IL13RA2: variants seen among roughly 807,000 people sequenced by gnomAD.
The protein encoded by IL13RA2 is interleukin-13 receptor subunit alpha-2.
A neutral mutation model predicts 34.1 loss-of-function variants in IL13RA2; 25 were observed. The observed-to-expected ratio is 0.73, with a 90% confidence interval of 0.53 to 1.03. The LOEUF (loss-of-function observed/expected upper bound fraction) is 1.03, where lower values mean the gene tolerates loss of function less well. IL13RA2 is among the 50% of genes least tolerant of loss of function. The pLI, the probability that IL13RA2 is intolerant of heterozygous loss-of-function variation, is 0.00. For missense variants in IL13RA2, 297 were observed against 280.9 expected (o/e 1.06, Z -0.41); for synonymous variants, 106 against 100.4 (o/e 1.06, Z -0.33).
chrX:115,011,856 T>C (rs782707870), intron 5 of IL13RA2, among the ~76,000 whole-genome samples: 1 of 112,294 alleles, frequency 8.9e-6, no homozygotes, highest in South Asian at 3.7e-4. Context: ...TTATATCAAA[T>C]ATGAACCACA....
At chrX:115,012,452 C>A (rs2071709225) in intron 5 of IL13RA2, among the ~76,000 whole-genome samples, 1 of 108,908 alleles carries the variant, frequency 9.2e-6, no homozygotes, top group Admixed American at 9.6e-5. Context: ...GGACAATAAA[C>A]AATTACAGGC....
At position 115,016,684 on chromosome X, in the gene IL13RA2, A is replaced by C. The variant is rs782577434; in HGVS notation, c.94+492T>G. Among the ~76,000 whole-genome samples, 7 of 106,871 alleles carry C rather than the reference A, an allele frequency of 6.5e-5. No homozygotes were observed. The East Asian group carries it at 1.7e-3, about 26-fold the overall frequency. The allele number at this position is 106,871 out of a possible 115,157, so 92.8% of individuals were successfully genotyped here. On this transcript the variant is annotated intron_variant, in intron 2 of 9. Coordinates refer to ENST00000243213, the MANE Select transcript of IL13RA2 (RefSeq NM_000640.3). The stretch of plus-strand genomic sequence containing the variant: ...ATAATAATATACTATAAATAATTTT[A>C]ATTAATTAATAATAAAACATTAACA...
At chrX:115,009,748 G>A (rs782417432) in intron 6 of IL13RA2, 82 bp from the exon 7 acceptor site, 2 of 858,613 alleles carry the variant, frequency 2.3e-6, no homozygotes, top group African/African-American at 4.0e-5. Flanking sequence ...GGGACATCTG[G>A]TAACAGAAAC....
chrX:115,006,544 G>A (rs782274202), intron 8 of IL13RA2, among the ~76,000 whole-genome samples: 7 of 110,769 alleles, frequency 6.3e-5, no homozygotes, highest in Non-Finnish European at 1.1e-4. Context: ...TTAGCCAGGC[G>A]TGGTGGTGCA....
intron 7 of IL13RA2, 151 bp downstream of exon 7, chrX:115,009,370 C>T: frequency 7.1e-6 from 3 of 425,227 alleles, no homozygotes; most frequent in African/African-American, 2.4e-5. Context: ...ATACTTTTGT[C>T]CATTAGCTTA....
chrX:115,016,928 G>A (rs1333914088), intron 2 of IL13RA2, among the ~76,000 whole-genome samples: 2 of 110,153 alleles, frequency 1.8e-5, no homozygotes, highest in Non-Finnish European at 3.8e-5. Flanking sequence ...AAAAGGTATG[G>A]AGAGTGTTTT....
At chrX:115,015,275 G>T (rs895834188) in intron 3 of IL13RA2, among the ~76,000 whole-genome samples, 1 of 111,267 alleles carries the variant, frequency 9.0e-6, no homozygotes, top group Admixed American at 9.6e-5. Context: ...ACCCTCTGTG[G>T]GAAGGGTACA....
In IL13RA2 at chrX:115,017,167, T is replaced by A; in HGVS notation, c.94+9A>T. The A allele has an allele frequency of 1.4e-6, 1 of 715,608 alleles. No individual in the cohort carries two copies. The highest frequency in any genetic ancestry group is 2.2e-6 in the Non-Finnish European group (1 of 451,067). The allele number at this position is 715,608 out of a possible 1,213,427, so 59.0% of individuals were successfully genotyped here. On this transcript the variant is annotated intron_variant, in intron 2 of 9. Coordinates refer to ENST00000243213, the MANE Select transcript of IL13RA2 (RefSeq NM_000640.3). Reference sequence around the variant, plus strand: ...TAATTTAAAAACTATTCCATTAAAATCCATTTACCTTTTATCTCGGTGTCT... The same window carrying A: ...TAATTTAAAAACTATTCCATTAAAAACCATTTACCTTTTATCTCGGTGTCT...
chrX:115,015,757 C>T lies in IL13RA2; in HGVS notation c.159G>A (p.Trp53Ter). The T allele has an allele frequency of 8.4e-7, 1 of 1,187,425 alleles. No homozygotes were observed. The highest frequency in any genetic ancestry group is 1.8e-5 in the South Asian group (1 of 56,393). The part of the protein sequence containing the change: ...PGYLGYLYLQ[W>*]QPPLSLDHFK... ...AATGATCCAGAGACAGTGGGGGTTG[C>T]CATTGCAAATAGAGATAACCTAAGT... Residue 53 changes from tryptophan to a stop codon, truncating the protein, a stop_gained, in exon 3 of 10, where the codon TGG becomes TGA. Transcript: ENST00000243213. LOFTEE classifies it high-confidence loss of function.
chrX:115,013,245 T>A (rs1309044534), intron 5 of IL13RA2, among the ~76,000 whole-genome samples: 1 of 111,064 alleles, frequency 9.0e-6, no homozygotes, highest in Non-Finnish European at 1.9e-5. Context: ...GAGGGAAGCC[T>A]AAAGTAGAGC....
At chrX:115,013,731 A>G (rs2071715388) in intron 5 of IL13RA2, 38 bp downstream of exon 5, 2 of 790,818 alleles carry the variant, frequency 2.5e-6, no homozygotes, top group Admixed American at 2.7e-5. Context: ...TTGAGTAGAC[A>G]TTTTTTAATA....
At chrX:115,008,831 T>G (rs1556508233) in intron 7 of IL13RA2, among the ~76,000 whole-genome samples, 1 of 111,999 alleles carries the variant, frequency 8.9e-6, no homozygotes, top group Admixed American at 9.5e-5. Flanking sequence ...TAGACTTAAG[T>G]GGACTGGGAA....
At chrX:115,009,743 A>G (rs1334240334) in intron 6 of IL13RA2, 77 bp from the exon 7 acceptor site, 1 of 890,752 alleles carries the variant, frequency 1.1e-6, no homozygotes, top group East Asian at 3.1e-5. Flanking sequence ...AGCTAGGGAC[A>G]TCTGGTAACA....
In IL13RA2 at chrX:115,015,773, T is replaced by C. The variant is rs782097475; in HGVS notation, c.143A>G (p.Tyr48Cys). The C allele has an allele frequency of 8.4e-7, 1 of 1,185,315 alleles. No homozygotes were observed. Among genetic ancestry groups the C allele is most frequent in the African/African-American group, 1.8e-5 (1 of 56,812 alleles). Residue 48 changes from tyrosine to cysteine, a missense_variant, in exon 3 of 10, where the codon TAT (tyrosine) becomes TGT (cysteine). Tyr to Cys is a radical substitution (Grantham distance 194, BLOSUM62 -2). Coordinates refer to ENST00000243213, the MANE Select transcript of IL13RA2 (RefSeq NM_000640.3). Reference protein sequence around the residue: ...FEIVDPGYLGYLYLQWQPPLS... With the variant: ...FEIVDPGYLGCLYLQWQPPLS... ...TGGGGGTTGCCATTGCAAATAGAGATAACCTAAGTATCCGGGATCCACTAT... is the reference window on the plus strand; with the variant it reads ...TGGGGGTTGCCATTGCAAATAGAGACAACCTAAGTATCCGGGATCCACTAT...
intron 2 of IL13RA2, among the ~76,000 whole-genome samples, chrX:115,016,265 C>G (rs1556509995): frequency 9.0e-6 from 1 of 110,565 alleles, no homozygotes; most frequent in African/African-American, 3.3e-5. Context: ...TAAAAACCAA[C>G]GTATAGTAAA....
chrX:115,006,828 C>A (rs1224898325), intron 8 of IL13RA2, among the ~76,000 whole-genome samples: 1 of 112,093 alleles, frequency 8.9e-6, no homozygotes, highest in African/African-American at 3.2e-5. Flanking sequence ...AATGCATTGA[C>A]TAATGACGAG....
chrX:115,017,155 A>G, intron 2 of IL13RA2, 21 bp downstream of exon 2: 1 of 650,999 alleles, frequency 1.5e-6, no homozygotes, highest in East Asian at 3.3e-5. Context: ...TTTAAAAACT[A>G]TTCCATTAAA....
chrX:115,007,622 C>T (rs1348882729), intron 8 of IL13RA2, among the ~76,000 whole-genome samples: 1 of 111,657 alleles, frequency 9.0e-6, no homozygotes, highest in Non-Finnish European at 1.9e-5. Context: ...CTCTTGAATA[C>T]TGAAAGCATA....
At chrX:115,013,026 C>G (rs1234404270) in intron 5 of IL13RA2, among the ~76,000 whole-genome samples, 3 of 111,012 alleles carry the variant, frequency 2.7e-5, no homozygotes, top group African/African-American at 9.9e-5. Context: ...TAATAGTAGA[C>G]AGTATGGCAG....
Sources: gnomAD v4.1 joint callset for allele counts (sites outside exome capture counted in the v4.1 genomes callset) on GRCh38, gnomAD v4.1.1 for gene constraint, MANE v1.5 for transcripts, NCBI Gene and HGNC (gene_info 2026-07-23, HGNC 2026-07-21) for gene names.